FGF14: variants seen among roughly 807,000 people sequenced by gnomAD.
FGF14 encodes fibroblast growth factor homologous factor 4.
In FGF14, 5 loss-of-function variants were observed where a neutral mutation model predicts 25.5. That is an observed-to-expected ratio of 0.20 (90% CI 0.10 to 0.41). The LOEUF (loss-of-function observed/expected upper bound fraction) is 0.41, where lower values mean the gene tolerates loss of function less well. Among genes scored for constraint, FGF14 ranks in the 10% least tolerant of loss-of-function variants. The pLI, the probability that FGF14 is intolerant of heterozygous loss-of-function variation, is 1.00. For synonymous variants in FGF14, 138 were observed against 118.3 expected (o/e 1.17, Z -1.08); for missense variants, 222 against 320.1 (o/e 0.69, Z 2.34).
intron 1 of FGF14, among the ~76,000 whole-genome samples, chr13:102,022,572 G>A (rs2040714951): frequency 6.6e-6 from 1 of 151,914 alleles, no homozygotes; most frequent in South Asian, 2.1e-4. Flanking sequence ...TTAATGGGAG[G>A]GATGCCAGAG....
intron 1 of FGF14, among the ~76,000 whole-genome samples, chr13:102,111,912 T>A (rs2045248531): frequency 6.6e-6 from 1 of 152,124 alleles, no homozygotes; most frequent in Admixed American, 6.5e-5. Context: ...AGAACTGAAA[T>A]TTTCTTTAGA....
At chr13:102,312,589 AC>A (rs2055826875) in intron 1 of FGF14, among the ~76,000 whole-genome samples, 1 of 152,208 alleles carries the variant, frequency 6.6e-6, no homozygotes, top group Non-Finnish European at 1.5e-5. Flanking sequence ...GCATTATACC[AC>A]TGCACTATTA....
intron 1 of FGF14, among the ~76,000 whole-genome samples, chr13:101,997,849 TTTC>T (rs139896550): frequency 0.055 from 8,338 of 152,282 alleles, 273 homozygotes; most frequent in Middle Eastern, 0.085. Context: ...TGAAGTTTTC[TTTC>T]TTATCTTTAG....
At chr13:101,991,020 T>C (rs545852538) in intron 1 of FGF14, among the ~76,000 whole-genome samples, 1 of 152,244 alleles carries the variant, frequency 6.6e-6, no homozygotes, top group African/African-American at 2.4e-5. Context: ...CATTACTTTT[T>C]AACCTTGGAG....
intron 1 of FGF14, among the ~76,000 whole-genome samples, chr13:102,012,497 T>C (rs16959586): frequency 0.044 from 6,622 of 152,184 alleles, 466 homozygotes; most frequent in African/African-American, 0.15. Context: ...AGCTTGTCAT[T>C]TGGGGGTCAT....
intron 1 of FGF14, among the ~76,000 whole-genome samples, chr13:101,916,095 G>A (rs969785017): frequency 2.6e-5 from 4 of 152,204 alleles, no homozygotes; most frequent in Non-Finnish European, 5.9e-5. Context: ...GCTCGACCCC[G>A]GGTGTGGCAG....
intron 1 of FGF14, among the ~76,000 whole-genome samples, chr13:102,139,010 G>A (rs2046524527): frequency 1.3e-5 from 2 of 152,132 alleles, no homozygotes. Flanking sequence ...GGTTTGTATT[G>A]CCTAATATGT....
At chr13:101,879,032 TAA>T (rs1229399852) in intron 1 of FGF14, among the ~76,000 whole-genome samples, 1 of 152,122 alleles carries the variant, frequency 6.6e-6, no homozygotes, top group East Asian at 1.9e-4. Context: ...AATAAATATC[TAA>T]AGTCCTACAC....
chr13:102,116,587 G>A (rs907689068), intron 1 of FGF14, among the ~76,000 whole-genome samples: 1 of 152,146 alleles, frequency 6.6e-6, no homozygotes, highest in African/African-American at 2.4e-5. Context: ...AATCTTGTAT[G>A]ATTTGATTTA....
chr13:102,207,560 A>C (rs2049980856), intron 1 of FGF14, among the ~76,000 whole-genome samples: 1 of 151,270 alleles, frequency 6.6e-6, no homozygotes, highest in Non-Finnish European at 1.5e-5. Flanking sequence ...TGAAAAAAAA[A>C]TAACAATGAC....
chr13:101,752,367 G>A (rs961785648), intron 3 of FGF14, among the ~76,000 whole-genome samples: 16 of 152,186 alleles, frequency 1.1e-4, no homozygotes, highest in African/African-American at 3.4e-4. Flanking sequence ...TGATGTAAAT[G>A]AATTTTTAAC....
At chr13:102,373,241 T>A (rs1056507330) in intron 1 of FGF14, among the ~76,000 whole-genome samples, 8 of 152,284 alleles carry the variant, frequency 5.3e-5, no homozygotes, top group African/African-American at 1.9e-4. Context: ...CTTTACAAAA[T>A]CCAAGCCTTC....
chr13:102,130,414 C>A (rs577835964), intron 1 of FGF14, among the ~76,000 whole-genome samples: 2 of 152,146 alleles, frequency 1.3e-5, no homozygotes, highest in African/African-American at 2.4e-5. Flanking sequence ...GAACCTTTCA[C>A]GTATCACATC....
chr13:101,791,042 T>TA (rs1177420409), intron 3 of FGF14, among the ~76,000 whole-genome samples: 2 of 152,054 alleles, frequency 1.3e-5, no homozygotes, highest in Admixed American at 6.6e-5. Context: ...ACATATTTGC[T>TA]AACACACAAG....
chr13:101,868,543 G>C, intron 3 of FGF14, 182 bp downstream of exon 3: 1 of 620,250 alleles, frequency 1.6e-6, no homozygotes, highest in Non-Finnish European at 3.0e-6. Flanking sequence ...ACTTCCTTTA[G>C]ATAAACTCAT....
chr13:101,995,863 G>T (rs1277618425), intron 1 of FGF14, among the ~76,000 whole-genome samples: 1 of 152,220 alleles, frequency 6.6e-6, no homozygotes, highest in Non-Finnish European at 1.5e-5. Context: ...AGCTGGGAAG[G>T]GTAGTGGGGG....
At chr13:101,767,705 G>A (rs1016341458) in intron 3 of FGF14, among the ~76,000 whole-genome samples, 3 of 152,226 alleles carry the variant, frequency 2.0e-5, no homozygotes, top group Non-Finnish European at 2.9e-5. Context: ...GGAGTAGTTC[G>A]ATGACTGGCA....
At chr13:101,946,155 T>C (rs1369764065) in intron 1 of FGF14, among the ~76,000 whole-genome samples, 1 of 152,110 alleles carries the variant, frequency 6.6e-6, no homozygotes, top group East Asian at 1.9e-4. Context: ...TAAGATCTCC[T>C]TATTTCAGCC....
chr13:102,159,543 C>T (rs545833445), intron 1 of FGF14, among the ~76,000 whole-genome samples: 6 of 152,284 alleles, frequency 3.9e-5, no homozygotes, highest in East Asian at 1.9e-4. Flanking sequence ...TGTGGCTTTT[C>T]GAAGACATCT....
Sources: allele counts gnomAD v4.1 joint callset (sites outside exome capture counted in the v4.1 genomes callset), GRCh38; gene constraint gnomAD v4.1.1; transcripts MANE v1.5; gene names NCBI Gene and HGNC (gene_info 2026-07-23, HGNC 2026-07-21).